PKD1L1: variants seen among roughly 807,000 people sequenced by gnomAD.
PKD1L1 encodes the protein polycystin-1-like protein 1.
Under a neutral mutation model 323.4 loss-of-function variants are expected in PKD1L1, and 236 were observed. The observed-to-expected ratio is 0.73, with a 90% CI of 0.66 to 0.81. The LOEUF (loss-of-function observed/expected upper bound fraction) is 0.81. PKD1L1 is among the 40% of genes least tolerant of loss of function. The pLI is 0.00. For missense variants in PKD1L1, 3,320 were observed against 3,508.0 expected (o/e 0.95, Z 1.35); for synonymous variants, 1,344 against 1,335.0 (o/e 1.01, Z -0.15).
the PKD1L1 span, among the ~76,000 whole-genome samples, chr7:47,957,860 A>ATATATATATATATATATATATATATAT: frequency 3.2e-3 from 401 of 124,018 alleles, 11 homozygotes; most frequent in East Asian, 8.9e-3. Context: ...CAATTAAAAA[A>ATATATATATATATATATATATATATAT]AAATATATAT....
intron 8 of PKD1L1, among the ~76,000 whole-genome samples, chr7:47,910,335 CT>C (rs764658101): frequency 0.047 from 6,401 of 137,424 alleles, 289 homozygotes; most frequent in African/African-American, 0.16. Context: ...ATCTTACTTT[CT>C]TTTTTTTTTT....
At chr7:47,878,796 A>C (rs1469865647) in intron 21 of PKD1L1, among the ~76,000 whole-genome samples, 1 of 152,172 alleles carries the variant, frequency 6.6e-6, no homozygotes, top group Non-Finnish European at 1.5e-5. Flanking sequence ...GAGCACGGGA[A>C]GGGAGGGCAG....
chr7:47,928,386 T>C (rs922683344), intron 7 of PKD1L1, among the ~76,000 whole-genome samples: 1 of 152,036 alleles, frequency 6.6e-6, no homozygotes, highest in Admixed American at 6.6e-5. Context: ...TAGGCCAACA[T>C]AGTGAAACCC....
chr7:47,922,439 C>T (rs1031326516), intron 7 of PKD1L1, among the ~76,000 whole-genome samples: 6 of 151,898 alleles, frequency 4.0e-5, no homozygotes, highest in African/African-American at 1.5e-4. Context: ...CACCTCTTCC[C>T]GGCCGTCATC....
At chr7:47,959,191 G>A in the PKD1L1 span, among the ~76,000 whole-genome samples, 1 of 151,860 alleles carries the variant, frequency 6.6e-6, no homozygotes, top group African/African-American at 2.4e-5. Flanking sequence ...CCTCCCAGCC[G>A]CCTGCCTTGG....
intron 30 of PKD1L1, among the ~76,000 whole-genome samples, chr7:47,853,947 G>A (rs1285216563): frequency 3.9e-5 from 6 of 152,120 alleles, no homozygotes; most frequent in African/African-American, 1.4e-4. Context: ...ACCGTAACCT[G>A]TTTGCAGATA....
At chr7:47,866,685 G>A (rs1786177305) in intron 24 of PKD1L1, 71 bp from the exon 25 acceptor site, 1 of 1,341,012 alleles carries the variant, frequency 7.5e-7, no homozygotes, top group East Asian at 2.3e-5. Flanking sequence ...ACTACCAAGA[G>A]TGGGATGGGA....
In PKD1L1 at chr7:47,835,152, A is replaced by G. The variant is rs774418690; in HGVS notation, c.6035T>C (p.Leu2012Pro). Residue 2012 changes from leucine (L) to proline (P), a missense_variant, in exon 38 of 57, where the codon CTG becomes CCG. By Grantham distance (98) the Leu-to-Pro change is moderately conservative. Coordinates refer to ENST00000289672, the MANE Select transcript of PKD1L1 (RefSeq NM_138295.5). ...LASPGAQLLS[L>P]LFRLSKEAPG... The stretch of plus-strand genomic sequence containing the variant: ...AGGTACCTTGCTGAGCCTGAAGAGC[A>G]GGGACAAGAGCTGGGCCCCTGGAGA... The G allele has an allele frequency of 6.3e-7, 1 of 1,599,310 alleles. No homozygotes were observed. Among genetic ancestry groups the G allele is most frequent in the South Asian group, 1.1e-5 (1 of 89,582 alleles).
At chr7:47,780,809 A>G (rs1786674917) in intron 56 of PKD1L1, among the ~76,000 whole-genome samples, 2 of 152,200 alleles carry the variant, frequency 1.3e-5, no homozygotes, top group South Asian at 2.1e-4. Flanking sequence ...TTGTTTAACC[A>G]TTCACTCAGT....
intron 13 of PKD1L1, 44 bp downstream of exon 13, chr7:47,902,335 G>A: frequency 1.2e-6 from 2 of 1,605,802 alleles, no homozygotes; most frequent in Non-Finnish European, 1.7e-6. Context: ...TCAGAGGGAG[G>A]CTGAAAAGAG....
At chr7:47,794,697 C>T (rs1029424565) in intron 55 of PKD1L1, among the ~76,000 whole-genome samples, 1 of 152,202 alleles carries the variant, frequency 6.6e-6, no homozygotes, top group African/African-American at 2.4e-5. Context: ...GGAAAAGCCA[C>T]AGACACTCAA....
At position 47,857,567 on chromosome 7, in the gene PKD1L1, TG is replaced by T. The variant is rs767805295; in HGVS notation, c.4590+37del. The T allele has an allele frequency of 4.8e-4, 741 of 1,548,696 alleles. 1 individual carries two copies. The highest frequency in any genetic ancestry group is 5.8e-4 in the Non-Finnish European group (660 of 1,128,480). ...AAGCCCAATTACTGCAAATTTGAAA[TG>T]GTCATTAGAAGTGGCAGGTCATCTG... On this transcript the variant is annotated intron_variant, in intron 28 of 56. Coordinates refer to ENST00000289672, the MANE Select transcript of PKD1L1 (RefSeq NM_138295.5).
At chr7:47,876,943 C>A (rs541939367) in intron 22 of PKD1L1, among the ~76,000 whole-genome samples, 9 of 152,248 alleles carry the variant, frequency 5.9e-5, no homozygotes, top group South Asian at 2.1e-4. Flanking sequence ...CCACACCCAG[C>A]TAATTTTTGT....
intron 13 of PKD1L1, 86 bp from the exon 14 acceptor site, chr7:47,898,280 G>A (rs1787004341): frequency 1.8e-6 from 2 of 1,113,832 alleles, no homozygotes; most frequent in Admixed American, 2.2e-5. Flanking sequence ...AGTCTTAACT[G>A]TAGATCTCCC....
rs1291288484 is a variant in PKD1L1, at chr7:47,882,181, T to C, written c.3266-96A>G. ...CAATGCTGATATTAATAACTATTTG[T>C]ACTATTGCTGGATACCGCCTATCTA... On this transcript the variant is annotated intron_variant, in intron 19 of 56. Transcript: ENST00000289672. The C allele has an allele frequency of 7.5e-5, 95 of 1,271,890 alleles. 1 individual carries two copies. The highest frequency in any genetic ancestry group is 1.0e-4 in the Non-Finnish European group (90 of 899,356). The allele number at this position is 1,271,890 out of a possible 1,614,324, so 78.8% of individuals were successfully genotyped here. A position where few individuals can be genotyped will look rare whatever the true frequency, so the allele number is the denominator to read the frequency against.
At chr7:47,906,772 C>T (rs1038686095) in intron 9 of PKD1L1, among the ~76,000 whole-genome samples, 16 of 151,976 alleles carry the variant, frequency 1.1e-4, no homozygotes, top group African/African-American at 3.6e-4. Context: ...TTCATCAATG[C>T]ATCAGAATTT....
intron 3 of PKD1L1, 64 bp downstream of exon 3, chr7:47,940,129 T>C: frequency 6.4e-7 from 1 of 1,574,464 alleles, no homozygotes; most frequent in African/African-American, 1.4e-5. Flanking sequence ...AGGTGCTTTT[T>C]AGCTGTACTG....
chr7:47,844,588 C>T (rs542081192), intron 33 of PKD1L1, among the ~76,000 whole-genome samples: 2 of 152,212 alleles, frequency 1.3e-5, no homozygotes, highest in African/African-American at 4.8e-5. Flanking sequence ...ATGGGATACT[C>T]CAGAGAGAGA....
chr7:47,858,851 T>G lies in PKD1L1; in HGVS notation c.4184A>C (p.Tyr1395Ser). ...GCCTTGAGCAAGGAGTGCCCGGGTG[T>G]ACTTGAGGATGAGAACCGCACTCAT... ...GFMSAVLILK[Y>S]TRALLAQGQF... is the part of the protein sequence containing the mutation. Residue 1395 changes from tyrosine to serine, a missense_variant, in exon 27 of 57, where the codon TAC (tyrosine) becomes TCC (serine). Coordinates refer to ENST00000289672, the MANE Select transcript of PKD1L1 (RefSeq NM_138295.5). 3 of 1,613,826 alleles carry G rather than the reference T, an allele frequency of 1.9e-6. No homozygotes were observed. The highest frequency in any genetic ancestry group is 2.5e-6 in the Non-Finnish European group (3 of 1,179,958).
Sources: gnomAD v4.1 joint callset for allele counts (sites outside exome capture counted in the v4.1 genomes callset) on GRCh38, gnomAD v4.1.1 for gene constraint, MANE v1.5 for transcripts, NCBI Gene and HGNC (gene_info 2026-07-23, HGNC 2026-07-21) for gene names.